The following CTDSP2 variants were observed in gnomAD, a reference collection of about 807,000 sequenced individuals.
The protein encoded by CTDSP2 is CTD small phosphatase 2.
A neutral mutation model predicts 31.6 loss-of-function variants in CTDSP2; 9 were observed. The ratio of observed to expected loss-of-function variants is 0.28; its 90% CI spans 0.17 to 0.50. The LOEUF (loss-of-function observed/expected upper bound fraction) is 0.50, where lower values mean the gene tolerates loss of function less well. Among genes scored for constraint, CTDSP2 ranks in the 20% least tolerant of loss-of-function variants. The pLI, the probability that CTDSP2 is intolerant of heterozygous loss-of-function variation, is 0.98. For synonymous variants in CTDSP2, 134 were observed against 134.5 expected (o/e 1.00, Z 0.03); for missense variants, 267 against 348.5 (o/e 0.77, Z 1.86).
At chr12:57,837,800 C>T (rs1956257120) in intron 1 of CTDSP2, among the ~76,000 whole-genome samples, 1 of 152,208 alleles carries the variant, frequency 6.6e-6, no homozygotes, top group African/African-American at 2.4e-5. Context: ...GCACCAGCAA[C>T]TGGGGCAGCT....
chr12:57,828,546 C>T (rs978683728), intron 2 of CTDSP2, among the ~76,000 whole-genome samples: 1 of 152,200 alleles, frequency 6.6e-6, no homozygotes, highest in Non-Finnish European at 1.5e-5. Context: ...TCTGTGTCCG[C>T]AGACTTTTTC....
rs568198867 is a variant in CTDSP2 at position 57,826,202 on chromosome 12, A to T, written c.411+144T>A. Reference sequence around the variant, plus strand: ...GAGAAAGCCTTGAGTGAAAGATACCAATAAAAAGGGGAGGCTGGAGTTATA... The same window carrying T: ...GAGAAAGCCTTGAGTGAAAGATACCTATAAAAAGGGGAGGCTGGAGTTATA... On this transcript the variant is annotated intron_variant, in intron 5 of 7. Coordinates refer to ENST00000398073, the MANE Select transcript of CTDSP2 (RefSeq NM_005730.4). The T allele has an allele frequency of 3.9e-5, 21 of 541,500 alleles. No individual in the cohort carries two copies. In the East Asian group the frequency reaches 5.6e-4, roughly 14 times the overall value. The allele number at this position is 541,500 out of a possible 1,614,324, so 33.5% of individuals were successfully genotyped here.
intron 1 of CTDSP2, 35 bp downstream of exon 1, chr12:57,846,337 G>A: frequency 1.3e-6 from 2 of 1,580,746 alleles, no homozygotes; most frequent in Non-Finnish European, 1.7e-6. Context: ...CGCGCCCGGG[G>A]GCGACGCAAA....
chr12:57,840,479 G>A (rs10783853), intron 1 of CTDSP2, among the ~76,000 whole-genome samples: 36,037 of 152,098 alleles, frequency 0.24, 5,442 homozygotes, highest in East Asian at 0.55. Flanking sequence ...ACCTGGGTCT[G>A]CTGTCTCTAC....
At chr12:57,837,849 G>A (rs2140482232) in intron 1 of CTDSP2, among the ~76,000 whole-genome samples, 1 of 152,204 alleles carries the variant, frequency 6.6e-6, no homozygotes, top group Non-Finnish European at 1.5e-5. Context: ...CCTTTCCCTG[G>A]GCAGGAGAGC....
At chr12:57,823,755 C>T in intron 7 of CTDSP2, 28 bp from the exon 8 acceptor site, 2 of 1,613,152 alleles carry the variant, frequency 1.2e-6, no homozygotes, top group South Asian at 1.1e-5. Flanking sequence ...TGGTGTCAAT[C>T]TCCCGACTGC....
intron 1 of CTDSP2, among the ~76,000 whole-genome samples, chr12:57,844,439 C>A (rs144784753): frequency 7.2e-5 from 11 of 152,284 alleles, no homozygotes; most frequent in African/African-American, 1.9e-4. Context: ...TTACTCCTCG[C>A]GTGGCCCCAC....
intron 1 of CTDSP2, among the ~76,000 whole-genome samples, chr12:57,832,814 AAAAAGG>A (rs1268731178): frequency 2.3e-4 from 34 of 150,826 alleles, no homozygotes; most frequent in African/African-American, 7.8e-4. Context: ...AAAAAAAAAA[AAAAAGG>A]AAAAGAAAAA....
chr12:57,846,538 G>A lies in CTDSP2; in HGVS notation c.-103C>T. On this transcript the variant is annotated 5_prime_UTR_variant, in exon 1 of 8. Transcript: ENST00000398073. Reference sequence around the variant, plus strand: ...GGCGGGGGCCCGCTCCGGCTCCCGAGACTCCGACTTCCACAGCTGTTCACA... The same window carrying A: ...GGCGGGGGCCCGCTCCGGCTCCCGAAACTCCGACTTCCACAGCTGTTCACA... 1 of 902,586 alleles carries A rather than the reference G, an allele frequency of 1.1e-6. No individual in the cohort carries two copies. Among genetic ancestry groups the A allele is most frequent in the Non-Finnish European group, 1.6e-6 (1 of 632,814 alleles). 55.9% of individuals were successfully genotyped at this position (902,586 alleles called of 1,614,324 possible).
intron 1 of CTDSP2, among the ~76,000 whole-genome samples, chr12:57,831,785 C>A (rs1444210340): frequency 6.6e-6 from 1 of 152,164 alleles, no homozygotes; most frequent in Non-Finnish European, 1.5e-5. Flanking sequence ...AACAAACTGC[C>A]CTGTGTTGTT....
chr12:57,827,219 C>G, intron 3 of CTDSP2, 122 bp from the exon 4 acceptor site: 1 of 698,990 alleles, frequency 1.4e-6, no homozygotes, highest in Non-Finnish European at 2.5e-6. Flanking sequence ...GGATAGGCAC[C>G]ACTTAAAGGC....
intron 1 of CTDSP2, among the ~76,000 whole-genome samples, chr12:57,830,415 A>AAC (rs1284595575): frequency 2.0e-5 from 3 of 151,740 alleles, no homozygotes; most frequent in Admixed American, 6.6e-5. Context: ...AAACAAACAA[A>AAC]CAAAACCAAC....
chr12:57,839,310 C>T (rs1297661480), intron 1 of CTDSP2, among the ~76,000 whole-genome samples: 1 of 152,222 alleles, frequency 6.6e-6, no homozygotes, highest in Non-Finnish European at 1.5e-5. Flanking sequence ...GCACAATTCT[C>T]TGGGGTTCAG....
chr12:57,831,728 C>T (rs1226203350), intron 1 of CTDSP2, among the ~76,000 whole-genome samples: 1 of 152,174 alleles, frequency 6.6e-6, no homozygotes, highest in African/African-American at 2.4e-5. Flanking sequence ...CCGGAAATGC[C>T]TCTGTCTTTG....
At chr12:57,830,302 G>A (rs574654786) in intron 1 of CTDSP2, among the ~76,000 whole-genome samples, 21 of 152,186 alleles carry the variant, frequency 1.4e-4, no homozygotes, top group Admixed American at 3.3e-4. Flanking sequence ...GGAGAATGGC[G>A]TGAACCCAGG....
chr12:57,837,064 C>CG (rs1956252439), intron 1 of CTDSP2: 1 of 152,224 alleles, frequency 6.6e-6, no homozygotes, highest in South Asian at 2.1e-4. Context: ...CCTTCTTGGA[C>CG]GGCTGCCTGA....
Position 57,833,887 on chromosome 12 carries a change from G to A in CTDSP2, c.65-4291C>T, listed in dbSNP as rs367890751. Among the ~76,000 whole-genome samples, 8 of 152,346 alleles carry A rather than the reference G, an allele frequency of 5.3e-5. 1 individual carries two copies. The highest frequency in any genetic ancestry group is 2.1e-4 in the South Asian group (1 of 4,832). Reference sequence around the variant, plus strand: ...AGCATCAAGGATGTGCCAGGTCTGCGTTAGACACTTGACATCATTACCTCA... The same window carrying A: ...AGCATCAAGGATGTGCCAGGTCTGCATTAGACACTTGACATCATTACCTCA... On this transcript the variant is annotated intron_variant, in intron 1 of 7. Coordinates refer to ENST00000398073, the MANE Select transcript of CTDSP2 (RefSeq NM_005730.4).
intron 1 of CTDSP2, among the ~76,000 whole-genome samples, chr12:57,838,138 T>G (rs1277285222): frequency 6.6e-6 from 1 of 152,076 alleles, no homozygotes; most frequent in Non-Finnish European, 1.5e-5. Context: ...TGGGCCTCCA[T>G]AAGTAGCAGA....
chr12:57,826,919 G>A (rs1234688676), intron 4 of CTDSP2, 77 bp downstream of exon 4: 1 of 1,149,348 alleles, frequency 8.7e-7, no homozygotes, highest in African/African-American at 1.5e-5. Flanking sequence ...TCACCTTTAG[G>A]CTGCCTTACA....
Sources: gnomAD v4.1 joint callset for allele counts (sites outside exome capture counted in the v4.1 genomes callset) on GRCh38, gnomAD v4.1.1 for gene constraint, MANE v1.5 for transcripts, NCBI Gene and HGNC (gene_info 2026-07-23, HGNC 2026-07-21) for gene names.